Variants in UNC13C observed in about 807,000 individuals in gnomAD.
UNC13C encodes protein unc-13 homolog C.
A neutral mutation model predicts 245.4 loss-of-function variants in UNC13C; 174 were observed. That is an observed-to-expected ratio of 0.71 (90% CI 0.63 to 0.80). The LOEUF (loss-of-function observed/expected upper bound fraction) is 0.80, where lower values mean the gene tolerates loss of function less well. Ranked by LOEUF, UNC13C falls within the 30% of genes least tolerant of loss-of-function variation. UNC13C has a pLI of 0.00. For missense variants in UNC13C, 2,829 were observed against 2,602.9 expected, an observed-to-expected ratio of 1.09 and a Z score of -1.89; for synonymous variants, 992 against 895.1, an observed-to-expected ratio of 1.11 and a Z score of -1.93.
chr15:53,860,977 A>G, the UNC13C span, among the ~76,000 whole-genome samples: 1 of 152,214 alleles, frequency 6.6e-6, no homozygotes, highest in South Asian at 2.1e-4. Flanking sequence ...TTTCTGAACC[A>G]AAATATGGGG....
At chr15:54,095,935 A>T (rs772382314) in intron 2 of UNC13C, among the ~76,000 whole-genome samples, 13 of 152,214 alleles carry the variant, frequency 8.5e-5, no homozygotes, top group Non-Finnish European at 1.6e-4. Flanking sequence ...TGAAAGACAC[A>T]CAGCACGTGT....
intron 1 of UNC13C, among the ~76,000 whole-genome samples, chr15:53,982,235 C>T (rs1465207112): frequency 1.3e-5 from 2 of 152,120 alleles, no homozygotes; most frequent in Admixed American, 6.5e-5. Flanking sequence ...ATAAAACATA[C>T]TTTGTTTCTG....
At chr15:53,877,294 G>T in the UNC13C span, among the ~76,000 whole-genome samples, 2 of 152,112 alleles carry the variant, frequency 1.3e-5, no homozygotes, top group African/African-American at 4.8e-5. Context: ...CCTTTGCCTT[G>T]CCCTCTCCAA....
At chr15:53,862,995 TC>T in the UNC13C span, among the ~76,000 whole-genome samples, 2 of 152,154 alleles carry the variant, frequency 1.3e-5, no homozygotes, top group Non-Finnish European at 2.9e-5. Context: ...CAAAGTCTCA[TC>T]TAAATATCAC....
chr15:54,527,630 G>A (rs1895536405), intron 25 of UNC13C, among the ~76,000 whole-genome samples: 1 of 152,178 alleles, frequency 6.6e-6, no homozygotes, highest in Non-Finnish European at 1.5e-5. Flanking sequence ...AGTTATGAAA[G>A]AAGGAGTAGT....
At chr15:54,118,486 G>A (rs551556400) in intron 2 of UNC13C, among the ~76,000 whole-genome samples, 2 of 151,996 alleles carry the variant, frequency 1.3e-5, no homozygotes, top group South Asian at 4.1e-4. Context: ...ACTGATTTTT[G>A]CATGTTGATT....
chr15:53,879,374 G>A, the UNC13C span, among the ~76,000 whole-genome samples: 42 of 152,100 alleles, frequency 2.8e-4, no homozygotes, highest in East Asian at 7.4e-3. Flanking sequence ...TATTGCCCAC[G>A]CTGGTCTGAA....
At chr15:54,452,487 G>T (rs1326279109) in intron 19 of UNC13C, among the ~76,000 whole-genome samples, 1 of 152,136 alleles carries the variant, frequency 6.6e-6, no homozygotes, top group Non-Finnish European at 1.5e-5. Flanking sequence ...AGGCTGGATG[G>T]GCCCATCTTC....
intron 31 of UNC13C, 23 bp downstream of exon 31, chr15:54,622,442 T>C (rs1429433841): frequency 6.4e-7 from 1 of 1,558,062 alleles, no homozygotes; most frequent in Middle Eastern, 1.7e-4. Context: ...TCTAGATAAA[T>C]CAAAACAGCC....
intron 25 of UNC13C, among the ~76,000 whole-genome samples, chr15:54,526,772 C>G (rs1303649014): frequency 1.3e-5 from 2 of 149,036 alleles, no homozygotes; most frequent in Non-Finnish European, 3.0e-5. Context: ...AAAGATTGCT[C>G]TCTTCAGGTA....
intron 14 of UNC13C, among the ~76,000 whole-genome samples, chr15:54,327,733 T>C (rs145954149): frequency 6.9e-4 from 105 of 152,144 alleles, no homozygotes; most frequent in African/African-American, 2.3e-3. Flanking sequence ...CTGAGTAATT[T>C]TGAGTCTGTA....
intron 18 of UNC13C, among the ~76,000 whole-genome samples, chr15:54,412,739 A>T (rs2040441184): frequency 6.6e-6 from 1 of 152,122 alleles, no homozygotes; most frequent in Non-Finnish European, 1.5e-5. Context: ...GTTGTCTGTG[A>T]AAAGTCTTAT....
rs539649085 is a variant in UNC13C at position 54,407,312 on chromosome 15, T to C, written c.4848-7670T>C. On this transcript the variant is annotated intron_variant, in intron 18 of 32. Coordinates refer to ENST00000260323, the MANE Select transcript of UNC13C (RefSeq NM_001080534.3). ...GGAAGAGAGAGGCAAATTCCATAGGTAGACCAAAGAAAAAATTCCCAGGAG... is the reference window on the plus strand; with the variant it reads ...GGAAGAGAGAGGCAAATTCCATAGGCAGACCAAAGAAAAAATTCCCAGGAG... Among the ~76,000 whole-genome samples the C allele has an allele frequency of 7.9e-5, 12 of 152,150 alleles. No individual in the cohort carries two copies. The South Asian group carries it at 2.1e-3, about 26-fold the overall frequency.
At chr15:54,341,903 G>A (rs1465580009) in intron 17 of UNC13C, among the ~76,000 whole-genome samples, 2 of 151,650 alleles carry the variant, frequency 1.3e-5, no homozygotes, top group African/African-American at 4.9e-5. Flanking sequence ...GTGAACCCGG[G>A]AGGCGGAGCT....
At chr15:53,986,526 C>A (rs973464835) in intron 1 of UNC13C, among the ~76,000 whole-genome samples, 1 of 151,882 alleles carries the variant, frequency 6.6e-6, no homozygotes, top group African/African-American at 2.4e-5. Context: ...TAAGACATTT[C>A]TTAGAATTCT....
At chr15:53,915,903 A>G in the UNC13C span, among the ~76,000 whole-genome samples, 42 of 152,200 alleles carry the variant, frequency 2.8e-4, no homozygotes, top group Admixed American at 2.6e-3. Flanking sequence ...ATGGAAAAGT[A>G]CTTGTGGGAT....
intron 4 of UNC13C, among the ~76,000 whole-genome samples, chr15:54,182,631 A>G (rs543969266): frequency 5.9e-5 from 9 of 151,988 alleles, no homozygotes; most frequent in Non-Finnish European, 1.2e-4. Context: ...CTGCAAATCT[A>G]TCTCAACCTG....
chr15:53,863,837 T>C, the UNC13C span, among the ~76,000 whole-genome samples: 1 of 152,204 alleles, frequency 6.6e-6, no homozygotes, highest in Admixed American at 6.6e-5. Flanking sequence ...TCTCTTTGTC[T>C]AAATTTTCTT....
intron 1 of UNC13C, among the ~76,000 whole-genome samples, chr15:53,986,594 AAC>A (rs1894153293): frequency 6.6e-6 from 1 of 152,088 alleles, no homozygotes; most frequent in Non-Finnish European, 1.5e-5. Context: ...AAGATTATAA[AAC>A]ACTAGATATG....
Sources: gnomAD v4.1 joint callset for allele counts (sites outside exome capture counted in the v4.1 genomes callset) on GRCh38, gnomAD v4.1.1 for gene constraint, MANE v1.5 for transcripts, NCBI Gene and HGNC (gene_info 2026-07-23, HGNC 2026-07-21) for gene names.